Variants in MOV10L1 observed in about 807,000 individuals in gnomAD.
MOV10L1 encodes Mov10 like RNA helicase 1.
In MOV10L1, 110 loss-of-function variants were observed where a neutral mutation model predicts 143.8. The observed-to-expected ratio is 0.76, with a 90% CI of 0.66 to 0.90. MOV10L1 has a LOEUF of 0.90. Ranked by LOEUF, MOV10L1 falls within the 40% of genes least tolerant of loss-of-function variation. MOV10L1 has a pLI of 0.00. For missense variants in MOV10L1, 1,406 were observed against 1,526.8 expected (o/e 0.92, Z 1.32); for synonymous variants, 593 against 581.1 (o/e 1.02, Z -0.29).
chr22:50,125,649 A>G (rs552353388), intron 11 of MOV10L1, 80 bp downstream of exon 11: 6 of 1,362,928 alleles, frequency 4.4e-6, no homozygotes, highest in Non-Finnish European at 6.0e-6. Context: ...TTAACTGGCA[A>G]TATGACAGTC....
In MOV10L1 at chr22:50,152,535, A is replaced by G. The variant is rs2063328134; in HGVS notation, c.2893-510A>G. Reference sequence around the variant, plus strand: ...TGATATCACAGTCACCCTCAGCCGCATCAGTGAAGTCACAGCCAGGCCCGC... The same window carrying G: ...TGATATCACAGTCACCCTCAGCCGCGTCAGTGAAGTCACAGCCAGGCCCGC... On this transcript the variant is annotated intron_variant, in intron 21 of 26. Transcript: ENST00000262794. The surrounding 1 kb of genome is among the most constrained non-coding windows in gnomAD (Gnocchi z 4.4). Among the ~76,000 whole-genome samples the G allele has an allele frequency of 6.6e-6, 1 of 152,180 alleles. No individual in the cohort carries two copies. The highest frequency in any genetic ancestry group is 6.5e-5 in the Admixed American group (1 of 15,282).
chr22:50,099,386 G>T (rs2062678123), intron 2 of MOV10L1, 57 bp from the exon 3 acceptor site: 1 of 1,577,706 alleles, frequency 6.3e-7, no homozygotes, highest in Non-Finnish European at 8.7e-7. Context: ...CCAGCCTGTA[G>T]TTTGCTTTTC....
intron 1 of MOV10L1, chr22:50,091,276 C>G (rs1020784701): frequency 6.0e-6 from 1 of 167,368 alleles, no homozygotes; most frequent in African/African-American, 2.4e-5. Flanking sequence ...AACCGTCGCC[C>G]CAGGTTCCTC....
rs111642920 is a variant in MOV10L1 at position 50,142,963 on chromosome 22, G to A, written c.2180-80G>A. ...TTAGCCTTTGCACAGACGTGCTGAC[G>A]CCTGACCTAGGTGAGGACGTGTCCA... is the stretch of plus-strand genomic sequence containing the variant. On this transcript the variant is annotated intron_variant, in intron 16 of 26. Coordinates refer to ENST00000262794, the MANE Select transcript of MOV10L1 (RefSeq NM_018995.3). 4,394 of 1,377,370 alleles carry A rather than the reference G, an allele frequency of 3.2e-3. 114 individuals carry two copies. In the African/African-American group the frequency reaches 0.056, roughly 18 times the overall value. 85.3% of individuals were successfully genotyped at this position (1,377,370 alleles called of 1,614,324 possible).
At chr22:50,149,278 T>C in intron 19 of MOV10L1, 2 of 267,694 alleles carry the variant, frequency 7.5e-6, no homozygotes, top group South Asian at 1.0e-4. Flanking sequence ...GAGACGCAGG[T>C]GGAGAGCAGG....
intron 9 of MOV10L1, among the ~76,000 whole-genome samples, chr22:50,118,125 A>C (rs1007967902): frequency 6.6e-6 from 1 of 152,184 alleles, no homozygotes; most frequent in Admixed American, 6.5e-5. Flanking sequence ...GTTACAGTTC[A>C]AGATGAGGGA....
At chr22:50,142,021 A>C in intron 15 of MOV10L1, 60 bp from the exon 16 acceptor site, 1 of 1,444,744 alleles carries the variant, frequency 6.9e-7, no homozygotes, top group Non-Finnish European at 9.5e-7. Context: ...TGCTCTTTCA[A>C]CCAAGCCAGT....
chr22:50,108,411 C>T (rs187650127), intron 4 of MOV10L1, 163 bp downstream of exon 4: 10 of 802,124 alleles, frequency 1.2e-5, no homozygotes, highest in Middle Eastern at 2.2e-4. Context: ...TGCTGTGTTT[C>T]GTTTGGAAAC....
chr22:50,115,081 G>A, intron 7 of MOV10L1, 33 bp from the exon 8 acceptor site: 1 of 1,547,804 alleles, frequency 6.5e-7, no homozygotes, highest in South Asian at 1.2e-5. Context: ...TTTACCTTTT[G>A]GTCAACTTTT....
rs2147439171 is a variant in MOV10L1, at chr22:50,153,074, C to G, written c.2922C>G (p.Ser974=). Residue 974 remains serine (S), a synonymous_variant, in exon 22 of 27, where the codon TCC becomes TCG. Coordinates refer to ENST00000262794, the MANE Select transcript of MOV10L1 (RefSeq NM_018995.3). ...LVTKLVKNYR[S]HEALLMLPSR... ...CAAAGCTGGTGAAGAACTACCGGTC[C>G]CACGAGGCCCTGCTGATGCTGCCCT... 1 of 1,610,550 alleles carries G rather than the reference C, an allele frequency of 6.2e-7. No homozygotes were observed. The highest frequency in any genetic ancestry group is 8.5e-7 in the Non-Finnish European group (1 of 1,177,214).
intron 8 of MOV10L1, among the ~76,000 whole-genome samples, chr22:50,116,046 G>A (rs2062164766): frequency 6.6e-6 from 1 of 152,206 alleles, no homozygotes; most frequent in Non-Finnish European, 1.5e-5. Flanking sequence ...TGCCTAAGCT[G>A]CCCGACAGTG....
Position 50,092,055 on chromosome 22 carries a change from A to C in MOV10L1, c.152A>C (p.Tyr51Ser), listed in dbSNP as rs764716633. Residue 51 changes from tyrosine (Y) to serine (S), a missense_variant, in exon 2 of 27, where the codon TAT becomes TCT. Transcript: ENST00000262794. ...RGVVTRYCSDYGMIDDMIYFS... is the reference protein window; with the variant it reads ...RGVVTRYCSDSGMIDDMIYFS... ...GTCGTGACAAGGTACTGCAGCGATT[A>C]TGGCATGATTGATGATATGATCTAC... 1 of 1,614,186 alleles carries C rather than the reference A, an allele frequency of 6.2e-7. No individual in the cohort carries two copies. Among genetic ancestry groups the C allele is most frequent in the South Asian group, 1.1e-5 (1 of 91,086 alleles).
chr22:50,107,996 T>C (rs751579405), intron 3 of MOV10L1, 140 bp from the exon 4 acceptor site: 27 of 702,868 alleles, frequency 3.8e-5, no homozygotes, highest in Non-Finnish European at 5.7e-5. Context: ...TTCGAAAATA[T>C]GTTTCTCACA....
chr22:50,110,532 C>G (rs1232689327), intron 5 of MOV10L1, among the ~76,000 whole-genome samples: 1 of 151,448 alleles, frequency 6.6e-6, no homozygotes, highest in Admixed American at 6.6e-5. Context: ...CGCTCTTCAT[C>G]CTTCATCTTA....
chr22:50,151,134 G>A (rs957962522), intron 21 of MOV10L1, among the ~76,000 whole-genome samples: 7 of 152,362 alleles, frequency 4.6e-5, no homozygotes, highest in East Asian at 3.9e-4. Context: ...CTCTGTTAAC[G>A]TTAAGAAAAG....
intron 3 of MOV10L1, among the ~76,000 whole-genome samples, chr22:50,101,704 G>A (rs772030947): frequency 3.3e-5 from 5 of 152,002 alleles, no homozygotes; most frequent in African/African-American, 4.8e-5. Flanking sequence ...TAGACACGGG[G>A]TTTCGCCATG....
chr22:50,141,959 T>C, intron 15 of MOV10L1, 122 bp from the exon 16 acceptor site: 1 of 609,208 alleles, frequency 1.6e-6, no homozygotes, highest in Non-Finnish European at 2.7e-6. Context: ...CTGTGATCCA[T>C]CCAAAGAGCT....
rs1185583076 is a variant in MOV10L1 at position 50,143,238 on chromosome 22, C to T, written c.2358+17C>T. 17 of 1,613,106 alleles carry T rather than the reference C, an allele frequency of 1.1e-5. No individual in the cohort carries two copies. In the Admixed American group the frequency reaches 1.3e-4, roughly 13 times the overall value. On this transcript the variant is annotated intron_variant, in intron 17 of 26. Transcript: ENST00000262794. ...GTTTTACAGGTAAGGACAGCGGCGC[C>T]GCGGGTGCTGTGGCTCTGTGCTGCT...
intron 5 of MOV10L1, among the ~76,000 whole-genome samples, chr22:50,111,047 C>G (rs889405097): frequency 1.3e-5 from 2 of 152,292 alleles, no homozygotes; most frequent in South Asian, 2.1e-4. Flanking sequence ...TGACCCACCC[C>G]CTCCCTGCCT....
Sources: allele counts gnomAD v4.1 joint callset (sites outside exome capture counted in the v4.1 genomes callset), GRCh38; gene constraint gnomAD v4.1.1; non-coding constraint Gnocchi (gnomAD v3.1); transcripts MANE v1.5; gene names NCBI Gene and HGNC (gene_info 2026-07-23, HGNC 2026-07-21).